Variants in ACTR3B observed in about 807,000 individuals in gnomAD.
ACTR3B encodes the protein actin related protein 3B.
Under a neutral mutation model 59.0 loss-of-function variants are expected in ACTR3B, and 8 were observed. The ratio of observed to expected loss-of-function variants is 0.14; its 90% confidence interval spans 0.08 to 0.24. The LOEUF is 0.24. Ranked by LOEUF, ACTR3B falls within the 10% of genes least tolerant of loss-of-function variation. ACTR3B has a pLI of 1.00. For missense variants in ACTR3B, 245 were observed against 552.3 expected, an observed-to-expected ratio of 0.44 and a Z score of 5.58; for synonymous variants, 148 against 197.9, an observed-to-expected ratio of 0.75 and a Z score of 2.12.
chr7:152,781,987 C>T (rs1270275610), intron 1 of ACTR3B, among the ~76,000 whole-genome samples: 1 of 151,626 alleles, frequency 6.6e-6, no homozygotes, highest in African/African-American at 2.4e-5. Context: ...GACCTCAGGT[C>T]CTGTGGAAGT....
chr7:152,823,501 T>G lies in ACTR3B; in HGVS notation c.844T>G (p.Phe282Val). The G allele has an allele frequency of 6.2e-7, 1 of 1,614,150 alleles. No homozygotes were observed. The highest frequency in any genetic ancestry group is 8.5e-7 in the Non-Finnish European group (1 of 1,180,002). The change falls in exon 8 of 12, where the codon TTC becomes GTC. Residue 282 changes from phenylalanine to valine, a missense_variant. Phe to Val is a conservative substitution (Grantham distance 50). This residue lies in a region of ACTR3B where 153 missense variants were observed against 266.2 expected (regional missense o/e 0.57). Coordinates refer to ENST00000256001, the MANE Select transcript of ACTR3B (RefSeq NM_020445.6). ...CGAAAGATTCCTGGGACCTGAAATA[T>G]TCTTTCACCCGGAGGTGAGATGTTT... is the stretch of plus-strand genomic sequence containing the variant. The part of the protein sequence containing the change: ...GYERFLGPEI[F>V]FHPEFANPDF...
chr7:152,788,380 G>T (rs778253010), intron 2 of ACTR3B, among the ~76,000 whole-genome samples: 1 of 150,026 alleles, frequency 6.7e-6, no homozygotes, highest in Non-Finnish European at 1.5e-5. Context: ...CATGTCTCTC[G>T]TGTTTTTCAG....
intron 9 of ACTR3B, among the ~76,000 whole-genome samples, chr7:152,845,499 C>T (rs1214422745): frequency 4.6e-5 from 7 of 152,230 alleles, no homozygotes; most frequent in Non-Finnish European, 7.3e-5. Context: ...AGCTCTATTC[C>T]GTGCTGAGCT....
intron 5 of ACTR3B, among the ~76,000 whole-genome samples, chr7:152,815,797 T>C (rs1795643695): frequency 6.6e-6 from 1 of 152,254 alleles, no homozygotes. Flanking sequence ...CCTAGTAATC[T>C]GTATTTTAAA....
intron 2 of ACTR3B, among the ~76,000 whole-genome samples, chr7:152,794,516 A>G (rs2098209066): frequency 6.6e-6 from 1 of 152,188 alleles, no homozygotes; most frequent in Non-Finnish European, 1.5e-5. Context: ...GTGCCCGGCT[A>G]TCTTTACAAT....
In ACTR3B at chr7:152,824,722, A is replaced by G. The variant is rs970552652; in HGVS notation, c.859-308A>G. Among the ~76,000 whole-genome samples, 19 of 152,070 alleles carry G rather than the reference A, an allele frequency of 1.2e-4. No homozygotes were observed. Among genetic ancestry groups the G allele is most frequent in the African/African-American group, 4.6e-4 (19 of 41,306 alleles). On this transcript the variant is annotated intron_variant, in intron 8 of 11. Coordinates refer to ENST00000256001, the MANE Select transcript of ACTR3B (RefSeq NM_020445.6). The surrounding 1 kb of genome is among the most constrained non-coding windows in gnomAD (Gnocchi z 4.2). ...ACTGCGTGTCACATAGATCGTGCAC[A>G]TACTCTCCACTGCTCTTAGTAGACT...
chr7:152,774,246 G>C (rs3107849), intron 1 of ACTR3B, among the ~76,000 whole-genome samples: 2 of 152,000 alleles, frequency 1.3e-5, no homozygotes, highest in African/African-American at 4.8e-5. Context: ...AAGCGATTCT[G>C]CTGTCTCAGC....
At chr7:152,765,540 C>A (rs1473017943) in intron 1 of ACTR3B, among the ~76,000 whole-genome samples, 4 of 151,882 alleles carry the variant, frequency 2.6e-5, no homozygotes, top group Admixed American at 6.6e-5. Flanking sequence ...CTCCTGAGTC[C>A]ACAAAGGGGA....
intron 2 of ACTR3B, among the ~76,000 whole-genome samples, chr7:152,792,107 G>A (rs941996348): frequency 2.6e-5 from 4 of 152,036 alleles, no homozygotes; most frequent in Non-Finnish European, 5.9e-5. Context: ...GGCCAGGCTG[G>A]TCTCAAACTC....
chr7:152,769,792 C>T (rs1590199470), intron 1 of ACTR3B, among the ~76,000 whole-genome samples: 1 of 151,162 alleles, frequency 6.6e-6, no homozygotes, highest in East Asian at 1.9e-4. Flanking sequence ...TCTGTTGGCT[C>T]CCAACTATGA....
At chr7:152,820,712 G>A (rs1322614382) in intron 7 of ACTR3B, among the ~76,000 whole-genome samples, 2 of 152,244 alleles carry the variant, frequency 1.3e-5, no homozygotes, top group Admixed American at 6.5e-5. Context: ...TTCAGCTGGA[G>A]CCTCACTGCT....
At chr7:152,825,758 T>A (rs1389396655) in intron 9 of ACTR3B, among the ~76,000 whole-genome samples, 1 of 152,196 alleles carries the variant, frequency 6.6e-6, no homozygotes, top group Admixed American at 6.5e-5. Flanking sequence ...TCCATTGGTT[T>A]CGTTTCATGC....
At chr7:152,785,229 A>T (rs2098167507) in intron 2 of ACTR3B, among the ~76,000 whole-genome samples, 1 of 150,980 alleles carries the variant, frequency 6.6e-6, no homozygotes, top group African/African-American at 2.4e-5. Flanking sequence ...GACAGTTATT[A>T]TCAGGATTTC....
chr7:152,822,106 T>G (rs1363450349), intron 7 of ACTR3B, among the ~76,000 whole-genome samples: 25 of 152,376 alleles, frequency 1.6e-4, no homozygotes, highest in Admixed American at 5.9e-4. Context: ...TGACCCTGTT[T>G]CTCTGTGTCA....
intron 1 of ACTR3B, among the ~76,000 whole-genome samples, chr7:152,770,574 A>C (rs2098121533): frequency 6.6e-6 from 1 of 151,916 alleles, no homozygotes; most frequent in Non-Finnish European, 1.5e-5. Flanking sequence ...CTAATATCTA[A>C]GATAAGGCAT....
Position 152,773,585 on chromosome 7 carries a change from T to TA in ACTR3B, c.45-9593dup, listed in dbSNP as rs911433860. On this transcript the variant is annotated intron_variant, in intron 1 of 11. Transcript: ENST00000256001. ...CTGGGCAACAGAGTGACTCTGTCTC[T>TA]AAAAAAAAAGCAAAAGGATGGTTCA... is the stretch of plus-strand genomic sequence containing the variant. 9.5e-5 allele frequency among the ~76,000 whole-genome samples: 14 copies of TA among 147,960 alleles called. No individual in the cohort carries two copies. The East Asian group carries it at 1.2e-3, about 13-fold the overall frequency.
intron 4 of ACTR3B, among the ~76,000 whole-genome samples, chr7:152,810,021 T>G (rs2098264956): frequency 3.3e-5 from 5 of 152,216 alleles, no homozygotes; most frequent in Admixed American, 3.3e-4. Context: ...CACACTGTTG[T>G]GTAAGAGATT....
At position 152,835,278 on chromosome 7, in the gene ACTR3B, A is replaced by G. The variant is rs1286368318; in HGVS notation, c.951+10156A>G. 2.0e-5 allele frequency among the ~76,000 whole-genome samples: 3 copies of G among 152,146 alleles called. No homozygotes were observed. In the East Asian group the frequency reaches 5.8e-4, roughly 29 times the overall value. On this transcript the variant is annotated intron_variant, in intron 9 of 11. Transcript: ENST00000256001. ...CCAGGCGTAAGCGTCTCATGGAATT[A>G]TTAGGTCACCCTTACACAGGCTGAA...
intron 9 of ACTR3B, among the ~76,000 whole-genome samples, chr7:152,849,104 C>T (rs2117007024): frequency 6.6e-6 from 1 of 152,304 alleles, no homozygotes; most frequent in East Asian, 1.9e-4. Context: ...CCTTGGTTGG[C>T]CACGCCGACA....
Sources: gnomAD v4.1 joint callset for allele counts (sites outside exome capture counted in the v4.1 genomes callset) on GRCh38, gnomAD v4.1.1 for gene constraint, gnomAD v4.1.1 regional missense constraint, Gnocchi (gnomAD v3.1) non-coding constraint, MANE v1.5 for transcripts, NCBI Gene and HGNC (gene_info 2026-07-23, HGNC 2026-07-21) for gene names.